The following LDB2 variants were observed in gnomAD, a reference collection of about 807,000 sequenced individuals.
LDB2 encodes LIM domain binding 2.
LDB2 carries 12 observed loss-of-function variants against 44.3 expected under a neutral mutation model. The observed-to-expected ratio is 0.27, with a 90% CI of 0.17 to 0.44. LDB2 has a LOEUF of 0.44. Among genes scored for constraint, LDB2 ranks in the 20% least tolerant of loss-of-function variants. The pLI is 1.00. For missense variants in LDB2, 344 were observed against 473.5 expected (o/e 0.73, Z 2.54); for synonymous variants, 164 against 174.8 (o/e 0.94, Z 0.49).
At chr4:16,846,223 C>T (rs903051413) in intron 1 of LDB2, among the ~76,000 whole-genome samples, 1 of 152,198 alleles carries the variant, frequency 6.6e-6, no homozygotes, top group Non-Finnish European at 1.5e-5. Context: ...AAGACCTCCG[C>T]CCATTCTTAA....
intron 1 of LDB2, among the ~76,000 whole-genome samples, chr4:16,846,766 A>G (rs971430072): frequency 1.3e-5 from 2 of 152,210 alleles, no homozygotes; most frequent in Admixed American, 6.5e-5. Flanking sequence ...TCTCCTTTGT[A>G]TTAAGATGCC....
intron 1 of LDB2, among the ~76,000 whole-genome samples, chr4:16,872,771 A>G (rs1717082162): frequency 6.6e-6 from 1 of 152,252 alleles, no homozygotes; most frequent in African/African-American, 2.4e-5. Flanking sequence ...GAAACAAACC[A>G]GAGAAAAGAT....
intron 2 of LDB2, among the ~76,000 whole-genome samples, chr4:16,695,788 T>C (rs1279212113): frequency 1.3e-5 from 2 of 152,154 alleles, no homozygotes; most frequent in South Asian, 2.1e-4. Context: ...AACTGGAGTA[T>C]CATAACTTTT....
chr4:16,595,498 T>C (rs764496538), intron 3 of LDB2, among the ~76,000 whole-genome samples: 1 of 152,180 alleles, frequency 6.6e-6, no homozygotes, highest in African/African-American at 2.4e-5. Flanking sequence ...GATTTTCATG[T>C]GCTCAGAATC....
intron 1 of LDB2, among the ~76,000 whole-genome samples, chr4:16,878,552 A>T (rs528484599): frequency 6.6e-6 from 1 of 152,178 alleles, no homozygotes; most frequent in Non-Finnish European, 1.5e-5. Flanking sequence ...TCAAAATGTC[A>T]TTCTAATGAT....
At chr4:16,661,343 A>G (rs1741532036) in intron 2 of LDB2, among the ~76,000 whole-genome samples, 1 of 152,220 alleles carries the variant, frequency 6.6e-6, no homozygotes, top group South Asian at 2.1e-4. Flanking sequence ...TCAGAAATAC[A>G]GCAGAACTTT....
chr4:16,898,551 T>G lies in LDB2; in HGVS notation c.-66A>C, dbSNP rs530746592. ...TAACGTCCATGCAGAGCACATGGGC[T>G]GTGTTCTTCCCAGTACAAAGTAGAC... On this transcript the variant is annotated 5_prime_UTR_variant, in exon 1 of 8. Transcript: ENST00000304523. The G allele has an allele frequency of 5.2e-5, 81 of 1,558,188 alleles. No homozygotes were observed. The East Asian group carries it at 1.8e-3, about 35-fold the overall frequency.
chr4:16,630,509 C>T (rs1731628306), intron 2 of LDB2, among the ~76,000 whole-genome samples: 1 of 151,910 alleles, frequency 6.6e-6, no homozygotes, highest in African/African-American at 2.4e-5. Flanking sequence ...CCATCAACGC[C>T]GTATAAAGAA....
chr4:16,855,353 G>A lies in LDB2; in HGVS notation c.132+43001C>T, dbSNP rs1464097979. 2.6e-5 allele frequency among the ~76,000 whole-genome samples: 4 copies of A among 152,044 alleles called. No individual in the cohort carries two copies. In the East Asian group the frequency reaches 7.7e-4, roughly 29 times the overall value. ...TTTTACAAAATTCCCTGATGAAGAAGTACAAATTATAAATTATATCTCTAC... is the reference window on the plus strand; with the variant it reads ...TTTTACAAAATTCCCTGATGAAGAAATACAAATTATAAATTATATCTCTAC... On this transcript the variant is annotated intron_variant, in intron 1 of 7. Coordinates refer to ENST00000304523, the MANE Select transcript of LDB2 (RefSeq NM_001290.5).
At chr4:16,685,868 G>A (rs1749113432) in intron 2 of LDB2, among the ~76,000 whole-genome samples, 1 of 152,030 alleles carries the variant, frequency 6.6e-6, no homozygotes. Flanking sequence ...AGCCAACACA[G>A]CGAAATCCCG....
At chr4:16,735,819 G>C (rs1367568662) in intron 2 of LDB2, among the ~76,000 whole-genome samples, 1 of 152,172 alleles carries the variant, frequency 6.6e-6, no homozygotes, top group Admixed American at 6.5e-5. Flanking sequence ...TACTTTTCAA[G>C]ATGGATGAGA....
intron 1 of LDB2, among the ~76,000 whole-genome samples, chr4:16,865,322 G>A (rs968520826): frequency 1.3e-5 from 2 of 152,168 alleles, no homozygotes; most frequent in African/African-American, 2.4e-5. Flanking sequence ...CTGGGCTCCA[G>A]TGACCAGTAT....
chr4:16,859,360 T>C (rs948373269), intron 1 of LDB2, among the ~76,000 whole-genome samples: 3 of 152,222 alleles, frequency 2.0e-5, no homozygotes, highest in South Asian at 2.1e-4. Flanking sequence ...TATGCCCTGG[T>C]GTTTCAATCA....
At chr4:16,861,729 G>C (rs1712631277) in intron 1 of LDB2, among the ~76,000 whole-genome samples, 1 of 152,154 alleles carries the variant, frequency 6.6e-6, no homozygotes, top group African/African-American at 2.4e-5. Flanking sequence ...AGTCAGCTAG[G>C]TCCTGCTGCC....
Position 16,512,005 on chromosome 4 carries a change from A to G in LDB2, c.715T>C (p.Trp239Arg). The G allele has an allele frequency of 2.5e-6, 4 of 1,613,562 alleles. No individual in the cohort carries two copies. Among genetic ancestry groups the G allele is most frequent in the Non-Finnish European group, 3.4e-6 (4 of 1,179,652 alleles). ...CCTGGCGGAGCCACCATCCTCTGCC[A>G]CTTCTGAAACAAGCAGGTCTTCAGG... ...DCLKTCLFQK[W>R]QRMVAPPAEP... The change falls in exon 6 of 8, where the codon TGG (tryptophan) becomes CGG (arginine). Residue 239 changes from tryptophan to arginine, a missense_variant. By Grantham distance (101) the Trp-to-Arg change is moderately radical (BLOSUM62 -3). Coordinates refer to ENST00000304523, the MANE Select transcript of LDB2 (RefSeq NM_001290.5).
intron 2 of LDB2, among the ~76,000 whole-genome samples, chr4:16,630,827 A>G (rs569426468): frequency 4.6e-5 from 7 of 152,318 alleles, no homozygotes; most frequent in Non-Finnish European, 1.0e-4. Context: ...AACAAAGATC[A>G]AAAGAGACAA....
chr4:16,836,372 G>C (rs1784884077), intron 1 of LDB2, among the ~76,000 whole-genome samples: 1 of 152,134 alleles, frequency 6.6e-6, no homozygotes, highest in Admixed American at 6.5e-5. Flanking sequence ...GAGGATGGCT[G>C]GATTTGAAAT....
intron 3 of LDB2, among the ~76,000 whole-genome samples, chr4:16,592,467 T>TAC (rs1553917139): frequency 0.34 from 12,268 of 35,746 alleles, 611 homozygotes; most frequent in African/African-American, 0.42. Flanking sequence ...TATACATACA[T>TAC]ATATATATAT....
At chr4:16,758,137 T>G (rs961992592) in intron 2 of LDB2, among the ~76,000 whole-genome samples, 6 of 152,210 alleles carry the variant, frequency 3.9e-5, no homozygotes, top group Admixed American at 1.3e-4. Flanking sequence ...CTAGTATAGT[T>G]GCTAATAGTA....
Sources: allele counts gnomAD v4.1 joint callset (sites outside exome capture counted in the v4.1 genomes callset), GRCh38; gene constraint gnomAD v4.1.1; transcripts MANE v1.5; gene names NCBI Gene and HGNC (gene_info 2026-07-23, HGNC 2026-07-21).